Variants in CDON observed in about 807,000 individuals in gnomAD.
The protein encoded by CDON is cell adhesion molecule-related/down-regulated by oncogenes.
In CDON, 73 loss-of-function variants were observed where a neutral mutation model predicts 120.9. That is an observed-to-expected ratio of 0.60 (90% CI 0.50 to 0.73). The LOEUF is 0.73. CDON is among the 30% of genes least tolerant of loss of function. The pLI is 0.00. For synonymous variants in CDON, 566 were observed against 573.5 expected, an observed-to-expected ratio of 0.99 and a Z score of 0.19; for missense variants, 1,470 against 1,587.3, an observed-to-expected ratio of 0.93 and a Z score of 1.26.
intron 1 of CDON, among the ~76,000 whole-genome samples, chr11:126,042,660 T>G (rs1423749455): frequency 6.6e-6 from 1 of 152,244 alleles, no homozygotes; most frequent in Non-Finnish European, 1.5e-5. Flanking sequence ...CTCGCTCTGC[T>G]GTCCAGGCTA....
At chr11:126,016,866 TG>T (rs1947482879) in intron 6 of CDON, among the ~76,000 whole-genome samples, 2 of 152,126 alleles carry the variant, frequency 1.3e-5, no homozygotes, top group African/African-American at 4.8e-5. Context: ...ACAACGAGGT[TG>T]GGGGTGAGGT....
intron 11 of CDON, among the ~76,000 whole-genome samples, chr11:125,998,944 A>G (rs373792515): frequency 1.3e-5 from 2 of 152,170 alleles, no homozygotes; most frequent in African/African-American, 4.8e-5. Flanking sequence ...ATGCTCCTCA[A>G]TTGAGCAACA....
intron 18 of CDON, among the ~76,000 whole-genome samples, chr11:125,973,503 C>T (rs1037052716): frequency 6.6e-6 from 1 of 152,140 alleles, no homozygotes; most frequent in African/African-American, 2.4e-5. Flanking sequence ...TGCACTCCAG[C>T]CTGGGCAACA....
chr11:125,960,591 C>T lies in CDON; in HGVS notation c.*351G>A, dbSNP rs1945615071. ...CCTTCAACGGGCCCCTGCATTCCCT[C>T]CTAGCCGAAGCAGCCAAGAGATGGG... On this transcript the variant is annotated 3_prime_UTR_variant, in exon 20 of 20. Transcript: ENST00000531738. 1 of 292,484 alleles carries T rather than the reference C, an allele frequency of 3.4e-6. No homozygotes were observed. The highest frequency in any genetic ancestry group is 3.9e-5 in the South Asian group (1 of 25,398). 18.1% of individuals were successfully genotyped at this position (292,484 alleles called of 1,614,324 possible). A position where few individuals can be genotyped will look rare whatever the true frequency, so the allele number is the denominator to read the frequency against.
intron 1 of CDON, among the ~76,000 whole-genome samples, chr11:126,049,751 T>C (rs1948508851): frequency 6.6e-6 from 1 of 152,144 alleles, no homozygotes; most frequent in African/African-American, 2.4e-5. Context: ...ATCCAAGAAA[T>C]TGAAAAACAA....
intron 18 of CDON, among the ~76,000 whole-genome samples, chr11:125,963,206 T>C (rs1945694926): frequency 6.6e-6 from 1 of 152,180 alleles, no homozygotes; most frequent in Non-Finnish European, 1.5e-5. Flanking sequence ...CTTCTGCTTA[T>C]TCTCCAATAC....
chr11:126,028,821 A>G (rs983430704), intron 1 of CDON, among the ~76,000 whole-genome samples: 4 of 149,862 alleles, frequency 2.7e-5, no homozygotes, highest in African/African-American at 9.9e-5. Flanking sequence ...GTGTATATGT[A>G]TGTGTGTGTG....
rs932909153 is a variant in CDON, at chr11:125,989,035, T to TA, written c.2773+601dup. ...GGGCAACACAGTGAGATGCCGTCTC[T>TA]AAAAAAAATAAAATAAAATAAAAAT... On this transcript the variant is annotated intron_variant, in intron 15 of 19. Transcript: ENST00000531738. Among the ~76,000 whole-genome samples, 107 of 151,552 alleles carry TA rather than the reference T, an allele frequency of 7.1e-4. 2 individuals carry two copies. The highest frequency in any genetic ancestry group is 1.3e-3 in the Non-Finnish European group (86 of 67,902).
chr11:126,010,916 G>T (rs772456725), intron 7 of CDON: 4 of 604,280 alleles, frequency 6.6e-6, no homozygotes, highest in South Asian at 6.1e-5. Context: ...TAAATTTCCT[G>T]TCCTTCAGAA....
intron 18 of CDON, among the ~76,000 whole-genome samples, chr11:125,974,481 ATC>A (rs1946101065): frequency 6.7e-6 from 1 of 150,102 alleles, no homozygotes; most frequent in Non-Finnish European, 1.5e-5. Flanking sequence ...TCCTTTTCCC[ATC>A]TCTGTTATTC....
chr11:125,993,401 A>G (rs1485944259), intron 14 of CDON, among the ~76,000 whole-genome samples: 162 of 68,722 alleles, frequency 2.4e-3, no homozygotes, highest in African/African-American at 8.2e-3. Context: ...GCGTGCACAC[A>G]CACACACACA....
chr11:126,009,719 G>A (rs888861618), intron 8 of CDON, among the ~76,000 whole-genome samples: 2 of 152,182 alleles, frequency 1.3e-5, no homozygotes, highest in African/African-American at 4.8e-5. Context: ...GTTGGGGAAA[G>A]CTGCCCTAAA....
At chr11:126,015,672 G>T (rs900188561) in intron 6 of CDON, among the ~76,000 whole-genome samples, 162 bp from the exon 7 acceptor site, 7 of 152,130 alleles carry the variant, frequency 4.6e-5, no homozygotes. Flanking sequence ...AAAAAAATTA[G>T]AAATGTTCCA....
At chr11:125,965,020 G>C (rs1194972852) in intron 18 of CDON, among the ~76,000 whole-genome samples, 1 of 152,084 alleles carries the variant, frequency 6.6e-6, no homozygotes, top group Admixed American at 6.6e-5. Context: ...TCCGCCTTTC[G>C]GGTTCAAGCA....
At chr11:126,035,423 T>C (rs1333151698) in intron 1 of CDON, among the ~76,000 whole-genome samples, 1 of 152,162 alleles carries the variant, frequency 6.6e-6, no homozygotes, top group African/African-American at 2.4e-5. Flanking sequence ...ATTCCATCTT[T>C]AAACTTGGCC....
At chr11:125,961,529 G>A (rs372974636) in intron 19 of CDON, 195 bp downstream of exon 19, 2 of 666,214 alleles carry the variant, frequency 3.0e-6, no homozygotes, top group East Asian at 2.7e-5. Context: ...AAGGACATGA[G>A]TAATAACAGA....
chr11:125,977,504 TACTA>T (rs1269839467), intron 18 of CDON, among the ~76,000 whole-genome samples: 1 of 152,230 alleles, frequency 6.6e-6, no homozygotes, highest in Non-Finnish European at 1.5e-5. Flanking sequence ...TTATTTTATG[TACTA>T]ACTATGACAT....
At chr11:125,973,462 T>C (rs1046313526) in intron 18 of CDON, among the ~76,000 whole-genome samples, 2 of 151,952 alleles carry the variant, frequency 1.3e-5, no homozygotes, top group African/African-American at 2.4e-5. Flanking sequence ...ACCCGGGAGG[T>C]GGAGGTTGCA....
intron 18 of CDON, among the ~76,000 whole-genome samples, chr11:125,976,606 CACACACACACAA>C (rs1330174399): frequency 2.2e-5 from 2 of 90,556 alleles, no homozygotes; most frequent in Non-Finnish European, 4.6e-5. Context: ...CACACATGCA[CACACACACACAA>C]ACACACACAC....
Sources: allele counts gnomAD v4.1 joint callset (sites outside exome capture counted in the v4.1 genomes callset), GRCh38; gene constraint gnomAD v4.1.1; transcripts MANE v1.5; gene names NCBI Gene and HGNC (gene_info 2026-07-23, HGNC 2026-07-21).